Variants in ALCAM observed in about 807,000 individuals in gnomAD.
ALCAM encodes activated leukocyte cell adhesion molecule.
Under a neutral mutation model 70.9 loss-of-function variants are expected in ALCAM, and 30 were observed. The ratio of observed to expected loss-of-function variants is 0.42; its 90% confidence interval spans 0.32 to 0.57. The LOEUF (loss-of-function observed/expected upper bound fraction) is 0.57. Ranked by LOEUF, ALCAM falls within the 20% of genes least tolerant of loss-of-function variation. The pLI is 0.11. For synonymous variants in ALCAM, 249 were observed against 242.5 expected, an observed-to-expected ratio of 1.03 and a Z score of -0.25; for missense variants, 591 against 695.1, an observed-to-expected ratio of 0.85 and a Z score of 1.68.
chr3:105,386,665 T>A (rs1334454738), intron 1 of ALCAM, among the ~76,000 whole-genome samples: 2 of 151,168 alleles, frequency 1.3e-5, no homozygotes, highest in African/African-American at 4.9e-5. Context: ...ACCATAAATA[T>A]ATATATATAT....
chr3:105,452,267 GTCC>G (rs1225963736), intron 1 of ALCAM, among the ~76,000 whole-genome samples: 22 of 152,004 alleles, frequency 1.4e-4, no homozygotes, highest in Non-Finnish European at 2.8e-4. Context: ...CCCTCTCTGT[GTCC>G]ATGTGTTCTC....
At chr3:105,497,847 C>A (rs1295714383) in intron 1 of ALCAM, among the ~76,000 whole-genome samples, 1 of 151,846 alleles carries the variant, frequency 6.6e-6, no homozygotes, top group African/African-American at 2.4e-5. Flanking sequence ...CTGGCTAACA[C>A]GGTGAAACCA....
chr3:105,559,825 C>T (rs1359489033), intron 14 of ALCAM, among the ~76,000 whole-genome samples: 1 of 152,062 alleles, frequency 6.6e-6, no homozygotes, highest in Non-Finnish European at 1.5e-5. Context: ...AAAAGGTACT[C>T]TTTTATAATG....
intron 1 of ALCAM, among the ~76,000 whole-genome samples, chr3:105,476,469 C>A (rs1375281697): frequency 6.6e-6 from 1 of 152,054 alleles, no homozygotes; most frequent in Non-Finnish European, 1.5e-5. Flanking sequence ...CCAATAAGTA[C>A]CCCATCTTCT....
At chr3:105,531,288 T>A (rs1939833975) in intron 3 of ALCAM, 1 of 152,146 alleles carries the variant, frequency 6.6e-6, no homozygotes, top group Non-Finnish European at 1.5e-5. Context: ...TAGAACTACC[T>A]ATATTTAAAA....
chr3:105,410,009 CCATAGCTTA>C (rs1292940586), intron 1 of ALCAM, among the ~76,000 whole-genome samples: 2 of 152,008 alleles, frequency 1.3e-5, no homozygotes, highest in Non-Finnish European at 2.9e-5. Context: ...CACCCATGAT[CCATAGCTTA>C]CATTAGGGTT....
chr3:105,407,211 A>T (rs1936259773), intron 1 of ALCAM, among the ~76,000 whole-genome samples: 1 of 152,114 alleles, frequency 6.6e-6, no homozygotes, highest in Non-Finnish European at 1.5e-5. Flanking sequence ...CTGTGAAGTC[A>T]CTATCACCCT....
At chr3:105,565,378 G>T (rs1940721126) in intron 14 of ALCAM, among the ~76,000 whole-genome samples, 1 of 151,924 alleles carries the variant, frequency 6.6e-6, no homozygotes, top group African/African-American at 2.4e-5. Flanking sequence ...TAACTTAATT[G>T]TCACTGATTT....
intron 1 of ALCAM, among the ~76,000 whole-genome samples, chr3:105,502,655 T>C (rs899316426): frequency 6.6e-6 from 1 of 152,252 alleles, no homozygotes; most frequent in African/African-American, 2.4e-5. Context: ...CAGTTACCAA[T>C]AACTTTTGAA....
chr3:105,453,632 G>A (rs1218425206), intron 1 of ALCAM, among the ~76,000 whole-genome samples: 1 of 152,126 alleles, frequency 6.6e-6, no homozygotes, highest in Non-Finnish European at 1.5e-5. Flanking sequence ...AGTTTGATGG[G>A]AATAGCACTG....
chr3:105,498,425 T>C (rs1938820102), intron 1 of ALCAM, among the ~76,000 whole-genome samples: 1 of 152,144 alleles, frequency 6.6e-6, no homozygotes, highest in South Asian at 2.1e-4. Flanking sequence ...CAACACTACA[T>C]AGAGAAGAAT....
At chr3:105,546,389 T>C (rs984960547) in intron 9 of ALCAM, among the ~76,000 whole-genome samples, 1 of 151,476 alleles carries the variant, frequency 6.6e-6, no homozygotes, top group South Asian at 2.1e-4. Flanking sequence ...CCTCTGCTAC[T>C]TGTTGTCTTA....
chr3:105,371,722 C>T (rs1253399615), intron 1 of ALCAM, among the ~76,000 whole-genome samples: 1 of 151,984 alleles, frequency 6.6e-6, no homozygotes, highest in Non-Finnish European at 1.5e-5. Flanking sequence ...ATTTATTTAG[C>T]ATAAAACACC....
chr3:105,561,518 C>T (rs1940631435), intron 14 of ALCAM, among the ~76,000 whole-genome samples: 1 of 152,072 alleles, frequency 6.6e-6, no homozygotes, highest in South Asian at 2.1e-4. Context: ...TGTCCCTACC[C>T]AGAGTTAGTC....
chr3:105,368,855 G>A (rs536493026), intron 1 of ALCAM, among the ~76,000 whole-genome samples: 69 of 152,192 alleles, frequency 4.5e-4, no homozygotes, highest in African/African-American at 1.6e-3. Flanking sequence ...CTGAGGCTGA[G>A]GGAAAAAAAA....
At chr3:105,425,275 G>A (rs1936761816) in intron 1 of ALCAM, among the ~76,000 whole-genome samples, 1 of 151,694 alleles carries the variant, frequency 6.6e-6, no homozygotes, top group Non-Finnish European at 1.5e-5. Flanking sequence ...TCATATGTTT[G>A]ATGACACATT....
intron 7 of ALCAM, 45 bp downstream of exon 7, chr3:105,540,147 C>G (rs369658061): frequency 1.5e-5 from 23 of 1,579,778 alleles, no homozygotes; most frequent in Non-Finnish European, 1.8e-5. Context: ...ATCATTTTTC[C>G]TGTTGTTTGA....
At chr3:105,561,112 T>G (rs1019930991) in intron 14 of ALCAM, among the ~76,000 whole-genome samples, 1 of 152,234 alleles carries the variant, frequency 6.6e-6, no homozygotes, top group African/African-American at 2.4e-5. Flanking sequence ...TGATATGTCC[T>G]TAAAAGTTTA....
At chr3:105,467,986 T>C (rs1937798267) in intron 1 of ALCAM, among the ~76,000 whole-genome samples, 1 of 151,212 alleles carries the variant, frequency 6.6e-6, no homozygotes, top group Admixed American at 6.6e-5. Flanking sequence ...TGTGGTTGAT[T>C]TTTGCCCCAT....
Sources: gnomAD v4.1 joint callset for allele counts (sites outside exome capture counted in the v4.1 genomes callset) on GRCh38, gnomAD v4.1.1 for gene constraint, MANE v1.5 for transcripts, NCBI Gene and HGNC (gene_info 2026-07-23, HGNC 2026-07-21) for gene names.